The following SCOC variants were observed in gnomAD, a reference collection of about 807,000 sequenced individuals.
SCOC encodes short coiled coil protein.
In SCOC, 7 loss-of-function variants were observed where a neutral mutation model predicts 9.9. The ratio of observed to expected loss-of-function variants is 0.71; its 90% CI spans 0.40 to 1.33. The LOEUF (loss-of-function observed/expected upper bound fraction) is 1.33, where lower values mean the gene tolerates loss of function less well. Ranked by LOEUF, SCOC falls within the 40% of genes most tolerant of loss-of-function variation. SCOC has a pLI of 0.01. For synonymous variants in SCOC, 19 were observed against 28.2 expected (o/e 0.67, Z 1.03); for missense variants, 66 against 89.7 (o/e 0.74, Z 1.07).
intron 1 of SCOC, chr4:140,376,610 A>G (rs966324013): frequency 7.2e-5 from 11 of 151,986 alleles, no homozygotes; most frequent in African/African-American, 2.7e-4. Flanking sequence ...TGTAAGAGTA[A>G]TTTTTCCTTT....
At chr4:140,328,459 C>T (rs928776982) in intron 1 of SCOC, among the ~76,000 whole-genome samples, 5 of 152,190 alleles carry the variant, frequency 3.3e-5, no homozygotes, top group Admixed American at 6.5e-5. Flanking sequence ...GAGTCGACCT[C>T]TGTGCCCAAC....
intron 2 of SCOC, among the ~76,000 whole-genome samples, chr4:140,364,913 C>G (rs1727722896): frequency 6.6e-6 from 1 of 151,976 alleles, no homozygotes; most frequent in Admixed American, 6.6e-5. Flanking sequence ...TCTTAAGAAC[C>G]CTTAAGCCTT....
chr4:140,306,915 G>A (rs1221281151), intron 1 of SCOC, among the ~76,000 whole-genome samples: 1 of 152,200 alleles, frequency 6.6e-6, no homozygotes, highest in African/African-American at 2.4e-5. Context: ...ATATTTGGGA[G>A]CAAGTTCTTC....
At chr4:140,335,056 T>C (rs763186362) in intron 1 of SCOC, among the ~76,000 whole-genome samples, 3 of 152,268 alleles carry the variant, frequency 2.0e-5, no homozygotes, top group Admixed American at 6.5e-5. Context: ...TTTAGGTATA[T>C]ATACATGTAA....
intron 1 of SCOC, among the ~76,000 whole-genome samples, chr4:140,275,816 GT>G (rs199643449): frequency 7.5e-6 from 1 of 133,464 alleles, no homozygotes; most frequent in Non-Finnish European, 1.5e-5. Context: ...ACTCGCTCAG[GT>G]TTGTTTTTTT....
rs1028350057 is a variant in SCOC, at chr4:140,385,245, T to C, written c.*4141T>C. On this transcript the variant is annotated 3_prime_UTR_variant, in exon 4 of 4. Coordinates refer to ENST00000608372, the MANE Select transcript of SCOC (RefSeq NM_001153484.2). ...ACTTGTAGGGCCAGATGTCTTAGAA[T>C]TTGGAGTTTTCCAGATTTTATAAAA... The C allele has an allele frequency of 1.9e-4, 29 of 152,182 alleles. No homozygotes were observed. The highest frequency in any genetic ancestry group is 3.2e-3 in the Middle Eastern group (1 of 316). The allele number at this position is 152,182 out of a possible 1,614,324, so 9.4% of individuals were successfully genotyped here.
intron 1 of SCOC, among the ~76,000 whole-genome samples, chr4:140,301,409 A>G (rs1306296921): frequency 2.0e-5 from 3 of 149,432 alleles, no homozygotes. Context: ...ATGTACAAAT[A>G]TTAATTCCAA....
intron 1 of SCOC, chr4:140,283,874 A>G (rs1422337274): frequency 2.0e-5 from 3 of 152,228 alleles, no homozygotes; most frequent in Non-Finnish European, 4.4e-5. Flanking sequence ...TCTATTAGTG[A>G]GCAAGTCTGG....
Position 140,379,194 on chromosome 4 carries a change from T to C in SCOC, c.22+2T>C. 6.3e-7 allele frequency: 1 copy of C among 1,596,844 alleles called. No homozygotes were observed. The highest frequency in any genetic ancestry group is 8.6e-7 in the Non-Finnish European group (1 of 1,164,532). On this transcript the variant is annotated splice_donor_variant, in intron 2 of 3. Coordinates refer to ENST00000608372, the MANE Select transcript of SCOC (RefSeq NM_001153484.2). LOFTEE classifies it high-confidence loss of function. ...AGATGATGAATGCTGACATGGATGG[T>C]ATGTTCTTCATTTTCTTTTTTGTAT...
chr4:140,294,999 T>G (rs1431034910), intron 1 of SCOC, among the ~76,000 whole-genome samples: 2 of 152,206 alleles, frequency 1.3e-5, no homozygotes, highest in Admixed American at 6.5e-5. Flanking sequence ...AGCAATCAGC[T>G]GGTATACAGC....
intron 1 of SCOC, among the ~76,000 whole-genome samples, chr4:140,375,460 G>C (rs1013853274): frequency 6.6e-6 from 1 of 152,168 alleles, no homozygotes; most frequent in Admixed American, 6.5e-5. Flanking sequence ...CTTATAAATT[G>C]CAGAGCTAGG....
intron 1 of SCOC, among the ~76,000 whole-genome samples, chr4:140,273,228 C>T (rs1398553255): frequency 1.3e-5 from 2 of 152,022 alleles, no homozygotes; most frequent in Admixed American, 6.6e-5. Context: ...AAATCAGGAC[C>T]CCTCACCAAG....
rs141761350 is a variant in SCOC, at chr4:140,319,937, C to A, written c.-18-23684C>A. On this transcript the variant is annotated intron_variant, in intron 1 of 4. Coordinates refer to the SCOC transcript ENST00000394205. ...AAATGCATAAAAAACTGGTAAGAAG[C>A]TTATGCTAGAAATGTTTAAAGAATT... Among the ~76,000 whole-genome samples, 18 of 152,216 alleles carry A rather than the reference C, an allele frequency of 1.2e-4. No homozygotes were observed. The East Asian group carries it at 2.1e-3, about 18-fold the overall frequency.
At chr4:140,278,987 T>C (rs1009162483) in intron 1 of SCOC, among the ~76,000 whole-genome samples, 3 of 152,044 alleles carry the variant, frequency 2.0e-5, no homozygotes, top group African/African-American at 7.2e-5. Context: ...ATTCTTAATA[T>C]GCTCCTCAAG....
chr4:140,319,867 G>A (rs1732447731), intron 1 of SCOC, among the ~76,000 whole-genome samples: 1 of 152,160 alleles, frequency 6.6e-6, no homozygotes, highest in South Asian at 2.1e-4. Context: ...GGCCTGCAGG[G>A]AGAAACAGTA....
intron 1 of SCOC, among the ~76,000 whole-genome samples, chr4:140,263,967 C>T (rs1477675611): frequency 1.3e-5 from 2 of 152,118 alleles, no homozygotes; most frequent in Admixed American, 6.5e-5. Context: ...AAAAGTCTCA[C>T]AAATGAAGAG....
At chr4:140,291,382 T>C (rs533131880) in intron 1 of SCOC, 69 of 456,802 alleles carry the variant, frequency 1.5e-4, no homozygotes, top group Middle Eastern at 6.5e-4. Flanking sequence ...GCTCTTCATA[T>C]ACCTTACCTT....
intron 1 of SCOC, among the ~76,000 whole-genome samples, chr4:140,287,192 C>T (rs1386058888): frequency 6.6e-6 from 1 of 151,654 alleles, no homozygotes; most frequent in Non-Finnish European, 1.5e-5. Flanking sequence ...ACATGCTACA[C>T]ACACACATCA....
intron 1 of SCOC, among the ~76,000 whole-genome samples, chr4:140,270,989 G>T (rs1245710078): frequency 6.6e-6 from 1 of 152,306 alleles, no homozygotes; most frequent in African/African-American, 2.4e-5. Flanking sequence ...TCTTACCAAT[G>T]TGCTATTCTG....
Sources: allele counts gnomAD v4.1 joint callset (sites outside exome capture counted in the v4.1 genomes callset), GRCh38; gene constraint gnomAD v4.1.1; transcripts MANE v1.5; gene names NCBI Gene and HGNC (gene_info 2026-07-23, HGNC 2026-07-21).